TTC23: variants seen among roughly 807,000 people sequenced by gnomAD.
TTC23 encodes the protein tetratricopeptide repeat protein 23.
A neutral mutation model predicts 55.1 loss-of-function variants in TTC23; 58 were observed. The observed-to-expected ratio is 1.05, with a 90% CI of 0.85 to 1.31. TTC23 has a LOEUF of 1.31. Among genes scored for constraint, TTC23 ranks in the 50% most tolerant of loss-of-function variants. The pLI is 0.00. For synonymous variants in TTC23, 203 were observed against 199.9 expected (o/e 1.02, Z -0.13); for missense variants, 516 against 534.4 (o/e 0.97, Z 0.34).
At chr15:99,195,824 TC>T (rs1463822094) in intron 9 of TTC23, among the ~76,000 whole-genome samples, 3 of 150,790 alleles carry the variant, frequency 2.0e-5, no homozygotes, top group Non-Finnish European at 2.9e-5. Context: ...AGGGGCTATA[TC>T]TTTGTACATG....
intron 1 of TTC23, among the ~76,000 whole-genome samples, chr15:99,247,333 G>A (rs2080337088): frequency 6.6e-6 from 1 of 152,040 alleles, no homozygotes; most frequent in Admixed American, 6.6e-5. Context: ...CAAGAAAACT[G>A]AAAACACACG....
intron 4 of TTC23, among the ~76,000 whole-genome samples, chr15:99,233,553 T>C (rs1251575166): frequency 6.6e-6 from 1 of 152,224 alleles, no homozygotes; most frequent in African/African-American, 2.4e-5. Flanking sequence ...TATCTATTCC[T>C]GATGAAAATT....
chr15:99,246,702 C>G (rs184076893), intron 1 of TTC23, among the ~76,000 whole-genome samples: 2 of 152,058 alleles, frequency 1.3e-5, no homozygotes, highest in Non-Finnish European at 2.9e-5. Flanking sequence ...AGGTGGATCA[C>G]GAGTTCAGGA....
In TTC23 at chr15:99,156,267, C is replaced by G. The variant is rs756487737; in HGVS notation, c.1024G>C (p.Glu342Gln). 4 of 1,614,160 alleles carry G rather than the reference C, an allele frequency of 2.5e-6. No homozygotes were observed. The highest frequency in any genetic ancestry group is 3.4e-6 in the Non-Finnish European group (4 of 1,180,020). Reference sequence around the variant, plus strand: ...TCGCCAAATGCTTCCACTTTGGCTTCCAGGGACTCTCTCAGGATCGAGGTT... The same window carrying G: ...TCGCCAAATGCTTCCACTTTGGCTTGCAGGGACTCTCTCAGGATCGAGGTT... ...RATSILRESL[E>Q]AKVEAFGDFS... Residue 342 changes from glutamate to glutamine, a missense_variant, in exon 12 of 14, where the codon GAA becomes CAA. Coordinates refer to ENST00000394132, the MANE Select transcript of TTC23 (RefSeq NM_001288615.3).
chr15:99,219,630 AG>A (rs1347532551), intron 6 of TTC23, among the ~76,000 whole-genome samples: 2 of 152,238 alleles, frequency 1.3e-5, no homozygotes, highest in East Asian at 3.9e-4. Flanking sequence ...AACAAAGTGG[AG>A]CAAAAAAAAA....
At chr15:99,200,678 C>A (rs1304094319) in intron 8 of TTC23, among the ~76,000 whole-genome samples, 2 of 152,182 alleles carry the variant, frequency 1.3e-5, no homozygotes, top group African/African-American at 4.8e-5. Flanking sequence ...TATGTACACA[C>A]ACACGCACAT....
At chr15:99,169,788 C>A (rs544144657) in intron 10 of TTC23, among the ~76,000 whole-genome samples, 1 of 152,190 alleles carries the variant, frequency 6.6e-6, no homozygotes, top group Non-Finnish European at 1.5e-5. Context: ...GGGAGATATA[C>A]ATATTCGTGC....
chr15:99,178,482 T>G (rs1305577102), intron 9 of TTC23, among the ~76,000 whole-genome samples: 1 of 152,240 alleles, frequency 6.6e-6, no homozygotes, highest in Non-Finnish European at 1.5e-5. Flanking sequence ...TTTAATTCAG[T>G]CCTATTCAAC....
intron 12 of TTC23, 168 bp downstream of exon 12, chr15:99,155,980 C>T (rs1179406737): frequency 6.0e-6 from 5 of 830,444 alleles, no homozygotes; most frequent in Non-Finnish European, 9.3e-6. Context: ...CTTACTATGT[C>T]TTTTACCCAA....
chr15:99,157,949 C>A (rs2070835911), intron 11 of TTC23: 3 of 152,210 alleles, frequency 2.0e-5, no homozygotes, highest in Admixed American at 2.0e-4. Context: ...ACCATGGGAG[C>A]TTCCTCATGA....
chr15:99,193,454 G>A (rs1157635332), intron 9 of TTC23, among the ~76,000 whole-genome samples: 2 of 152,130 alleles, frequency 1.3e-5, no homozygotes, highest in Non-Finnish European at 1.5e-5. Context: ...GGATCATAAG[G>A]GGGAGTTTCC....
chr15:99,173,325 T>C (rs550859012), intron 10 of TTC23, among the ~76,000 whole-genome samples: 12 of 152,358 alleles, frequency 7.9e-5, no homozygotes, highest in South Asian at 6.2e-4. Context: ...CTGTGGTGGC[T>C]CATGCCTGTT....
intron 1 of TTC23, among the ~76,000 whole-genome samples, chr15:99,245,771 A>C (rs1251917141): frequency 6.6e-6 from 1 of 151,932 alleles, no homozygotes; most frequent in Non-Finnish European, 1.5e-5. Context: ...TAACAGTAAG[A>C]GGTAAAACTA....
chr15:99,145,396 A>C (rs536458985), intron 12 of TTC23: 17 of 152,364 alleles, frequency 1.1e-4, no homozygotes, highest in Admixed American at 5.2e-4. Flanking sequence ...AGAAAAAAGA[A>C]GACGACGGGG....
chr15:99,215,031 T>G (rs1012828803), intron 8 of TTC23, among the ~76,000 whole-genome samples: 1 of 151,806 alleles, frequency 6.6e-6, no homozygotes, highest in South Asian at 2.1e-4. Flanking sequence ...AATTTTTGTA[T>G]TTTTAGTAGA....
At chr15:99,171,478 T>C (rs1337659951) in intron 10 of TTC23, among the ~76,000 whole-genome samples, 2 of 152,014 alleles carry the variant, frequency 1.3e-5, no homozygotes, top group Non-Finnish European at 2.9e-5. Flanking sequence ...CCAGCACCTG[T>C]ATACAAGAGG....
chr15:99,182,665 C>A (rs2074265271), intron 9 of TTC23, among the ~76,000 whole-genome samples: 1 of 151,628 alleles, frequency 6.6e-6, no homozygotes, highest in Non-Finnish European at 1.5e-5. Context: ...GTATACTCAT[C>A]TGTATATATG....
chr15:99,209,591 C>T (rs140410980), intron 8 of TTC23, among the ~76,000 whole-genome samples: 1 of 152,096 alleles, frequency 6.6e-6, no homozygotes, highest in African/African-American at 2.4e-5. Context: ...GCTTTAGATG[C>T]TACATTTGAA....
chr15:99,179,266 C>T (rs976632192), intron 9 of TTC23, among the ~76,000 whole-genome samples: 1 of 152,200 alleles, frequency 6.6e-6, no homozygotes, highest in Non-Finnish European at 1.5e-5. Context: ...ACCACTGGAT[C>T]CTCCAACTCA....
Sources: allele counts gnomAD v4.1 joint callset (sites outside exome capture counted in the v4.1 genomes callset), GRCh38; gene constraint gnomAD v4.1.1; transcripts MANE v1.5; gene names NCBI Gene and HGNC (gene_info 2026-07-23, HGNC 2026-07-21).